The following PITPNM2 variants were observed in gnomAD, a reference collection of about 807,000 sequenced individuals.
PITPNM2 encodes the protein phosphatidylinositol transfer protein membrane associated 2, also known as membrane-associated phosphatidylinositol transfer protein 2.
Under a neutral mutation model 132.2 loss-of-function variants are expected in PITPNM2, and 35 were observed. The observed-to-expected ratio is 0.26, with a 90% CI of 0.20 to 0.35. The LOEUF is 0.35. Ranked by LOEUF, PITPNM2 falls within the 10% of genes least tolerant of loss-of-function variation. The pLI is 1.00. For missense variants in PITPNM2, 1,332 were observed against 1,912.0 expected, an observed-to-expected ratio of 0.70 and a Z score of 5.66; for synonymous variants, 738 against 799.2, an observed-to-expected ratio of 0.92 and a Z score of 1.29.
rs534130114 is a variant in PITPNM2 at position 123,000,732 on chromosome 12, T to C, written c.1224+46A>G. The C allele has an allele frequency of 1.7e-5, 27 of 1,596,914 alleles. No individual in the cohort carries two copies. In the African/African-American group the frequency reaches 2.9e-4, roughly 17 times the overall value. On this transcript the variant is annotated intron_variant, in intron 10 of 25. Transcript: ENST00000320201. This position sits in a 1 kb window ranked among gnomAD's most constrained non-coding sequence, Gnocchi z 5.4. ...AGACTATTCCTCTGCACCCTGCCCC[T>C]CCCTTGGCGGCCATGCCCCTGTCCC...
chr12:123,003,379 A>C (rs1359674473), intron 8 of PITPNM2, among the ~76,000 whole-genome samples: 1 of 151,978 alleles, frequency 6.6e-6, no homozygotes, highest in Non-Finnish European at 1.5e-5. Context: ...TTTCTATGTG[A>C]AATACGTATT....
chr12:123,058,800 G>A lies in PITPNM2; in HGVS notation c.-95-24115C>T, dbSNP rs1177882738. 2.0e-5 allele frequency among the ~76,000 whole-genome samples: 3 copies of A among 152,102 alleles called. No individual in the cohort carries two copies. The highest frequency in any genetic ancestry group is 2.9e-5 in the Non-Finnish European group (2 of 68,028). ...TTTTGTGGAAAAAGCCCTTTCCCAC[G>A]GGGTCCACCTGGAAAATTCTCGAAG... On this transcript the variant is annotated intron_variant, in intron 2 of 25. Coordinates refer to ENST00000320201, the MANE Select transcript of PITPNM2 (RefSeq NM_020845.3). This position sits in a 1 kb window ranked among gnomAD's most constrained non-coding sequence, Gnocchi z 4.0.
At chr12:123,124,903 G>A (rs966657072) in intron 1 of PITPNM2, among the ~76,000 whole-genome samples, 1 of 152,072 alleles carries the variant, frequency 6.6e-6, no homozygotes, top group African/African-American at 2.4e-5. Context: ...TTTATCTTTA[G>A]AATCTTGCTA....
At chr12:123,014,295 T>C (rs1018959828) in intron 3 of PITPNM2, among the ~76,000 whole-genome samples, 38 of 152,216 alleles carry the variant, frequency 2.5e-4, no homozygotes, top group Non-Finnish European at 4.7e-4. Flanking sequence ...CTCCCACCTG[T>C]CCCAGGACTA....
At chr12:123,128,989 G>A (rs1431080967) in intron 1 of PITPNM2, among the ~76,000 whole-genome samples, 1 of 151,998 alleles carries the variant, frequency 6.6e-6, no homozygotes, top group Non-Finnish European at 1.5e-5. Flanking sequence ...ACAAAAATTA[G>A]CCAGGTGTGG....
intron 2 of PITPNM2, among the ~76,000 whole-genome samples, chr12:123,054,890 C>T (rs912854760): frequency 1.3e-5 from 2 of 152,048 alleles, no homozygotes; most frequent in Non-Finnish European, 2.9e-5. Context: ...ACAGTGAAAA[C>T]CCATCTCTAC....
intron 1 of PITPNM2, among the ~76,000 whole-genome samples, chr12:123,127,810 C>T (rs772984166): frequency 2.6e-5 from 4 of 152,006 alleles, no homozygotes; most frequent in Non-Finnish European, 5.9e-5. Context: ...GGGGTTTCAC[C>T]GCGTTAGCCA....
At chr12:123,134,506 T>G (rs2043333939) in intron 1 of PITPNM2, among the ~76,000 whole-genome samples, 1 of 152,068 alleles carries the variant, frequency 6.6e-6, no homozygotes, top group South Asian at 2.1e-4. Context: ...CAGGAAGCCC[T>G]CCAGGCACAA....
At chr12:123,093,130 T>C (rs963860164) in intron 2 of PITPNM2, among the ~76,000 whole-genome samples, 1 of 152,122 alleles carries the variant, frequency 6.6e-6, no homozygotes, top group African/African-American at 2.4e-5. Flanking sequence ...AAATGCCACA[T>C]GGTGTGTCAC....
chr12:123,062,264 G>T (rs1478435576), intron 2 of PITPNM2, among the ~76,000 whole-genome samples: 3 of 152,174 alleles, frequency 2.0e-5, no homozygotes, highest in African/African-American at 2.4e-5. Flanking sequence ...TCTGATACTT[G>T]CAACTGAGCC....
chr12:123,058,801 G>C lies in PITPNM2; in HGVS notation c.-95-24116C>G, dbSNP rs1056295598. ...TTTGTGGAAAAAGCCCTTTCCCACG[G>C]GGTCCACCTGGAAAATTCTCGAAGT... On this transcript the variant is annotated intron_variant, in intron 2 of 25. Transcript: ENST00000320201. This position sits in a 1 kb window ranked among gnomAD's most constrained non-coding sequence, Gnocchi z 4.0. Among the ~76,000 whole-genome samples, 7 of 152,126 alleles carry C rather than the reference G, an allele frequency of 4.6e-5. No homozygotes were observed. The highest frequency in any genetic ancestry group is 2.6e-4 in the Admixed American group (4 of 15,274).
chr12:122,987,442 T>G lies in PITPNM2; in HGVS notation c.3264-12A>C, dbSNP rs1566228232. 1.2e-6 allele frequency: 2 copies of G among 1,613,542 alleles called. No homozygotes were observed. Among genetic ancestry groups the G allele is most frequent in the Admixed American group, 1.7e-5 (1 of 60,006 alleles). On this transcript the variant is annotated splice_polypyrimidine_tract_variant and intron_variant, in intron 22 of 25. Coordinates refer to ENST00000320201, the MANE Select transcript of PITPNM2 (RefSeq NM_020845.3). ...ACGTGTGGTCTCCCCTGGCAGGTGGTGGGGGTGCTCATCAGAACCACCCAG... is the reference window on the plus strand; with the variant it reads ...ACGTGTGGTCTCCCCTGGCAGGTGGGGGGGGTGCTCATCAGAACCACCCAG...
intron 1 of PITPNM2, among the ~76,000 whole-genome samples, chr12:123,134,682 T>C (rs1049103434): frequency 6.6e-6 from 1 of 152,024 alleles, no homozygotes; most frequent in Non-Finnish European, 1.5e-5. Flanking sequence ...CAAGGTTAAG[T>C]AGGCTTTTGA....
At chr12:123,003,321 G>A (rs570237062) in intron 8 of PITPNM2, among the ~76,000 whole-genome samples, 59 of 152,230 alleles carry the variant, frequency 3.9e-4, no homozygotes, top group African/African-American at 1.4e-3. Context: ...ATTTCCCCAG[G>A]ACACCGCTGT....
chr12:123,074,566 C>T (rs552260640), intron 2 of PITPNM2, among the ~76,000 whole-genome samples: 20 of 152,062 alleles, frequency 1.3e-4, no homozygotes, highest in Admixed American at 8.5e-4. Flanking sequence ...ACACCACACA[C>T]GCATATGCAA....
intron 1 of PITPNM2, among the ~76,000 whole-genome samples, chr12:123,139,443 A>G (rs1157398917): frequency 6.6e-6 from 1 of 150,894 alleles, no homozygotes; most frequent in East Asian, 2.0e-4. Context: ...GGAGCTTGCA[A>G]TGAGGCGAGA....
intron 10 of PITPNM2, among the ~76,000 whole-genome samples, chr12:122,997,921 G>A (rs571308048): frequency 3.9e-5 from 6 of 152,320 alleles, no homozygotes; most frequent in East Asian, 1.9e-4. Context: ...CAGGGAGCCC[G>A]GGCAGTGGCT....
Position 123,099,898 on chromosome 12 carries a change from C to T in PITPNM2, c.-96+10487G>A, listed in dbSNP as rs1041605300. On this transcript the variant is annotated intron_variant, in intron 2 of 25. Coordinates refer to ENST00000320201, the MANE Select transcript of PITPNM2 (RefSeq NM_020845.3). This position sits in a 1 kb window ranked among gnomAD's most constrained non-coding sequence, Gnocchi z 4.2. ...TAGAAAGCACTGAAAGAGGCAGTGC[C>T]CTGTAAGGACAGCTCTACATCCACA... Among the ~76,000 whole-genome samples, 1 of 152,092 alleles carries T rather than the reference C, an allele frequency of 6.6e-6. No homozygotes were observed. The highest frequency in any genetic ancestry group is 2.4e-5 in the African/African-American group (1 of 41,400).
At chr12:123,107,025 C>T (rs2137293059) in intron 2 of PITPNM2, among the ~76,000 whole-genome samples, 1 of 152,098 alleles carries the variant, frequency 6.6e-6, no homozygotes, top group East Asian at 1.9e-4. Context: ...GGACTTCATC[C>T]AAGGGGCTGG....
Sources: allele counts gnomAD v4.1 joint callset (sites outside exome capture counted in the v4.1 genomes callset), GRCh38; gene constraint gnomAD v4.1.1; non-coding constraint Gnocchi (gnomAD v3.1); transcripts MANE v1.5; gene names NCBI Gene and HGNC (gene_info 2026-07-23, HGNC 2026-07-21).